REV1: variants seen among roughly 807,000 people sequenced by gnomAD.
REV1 encodes the protein REV1 DNA directed polymerase, also known as translesion synthesis protein REV1.
REV1 carries 42 observed loss-of-function variants against 137.4 expected under a neutral mutation model. The observed-to-expected ratio is 0.31, with a 90% confidence interval of 0.24 to 0.40. REV1 has a LOEUF of 0.40. Ranked by LOEUF, REV1 falls within the 10% of genes least tolerant of loss-of-function variation. The probability of loss-of-function intolerance (pLI) is 1.00; values close to 1 mark genes in which losing one functional copy is unlikely to be tolerated. For missense variants in REV1, 1,282 were observed against 1,490.1 expected (o/e 0.86, Z 2.30); for synonymous variants, 524 against 519.2 (o/e 1.01, Z -0.12).
At chr2:99,486,243 T>A (rs1019131843) in intron 1 of REV1, among the ~76,000 whole-genome samples, 1 of 152,260 alleles carries the variant, frequency 6.6e-6, no homozygotes, top group African/African-American at 2.4e-5. Context: ...AATTTCCCTG[T>A]TCTGGGCTGG....
In REV1 at chr2:99,438,895, T is replaced by C. The variant is rs777703692; in HGVS notation, c.919A>G (p.Thr307Ala). 5 of 1,614,200 alleles carry C rather than the reference T, an allele frequency of 3.1e-6. No individual in the cohort carries two copies. Among genetic ancestry groups the C allele is most frequent in the Non-Finnish European group, 4.2e-6 (5 of 1,180,032 alleles). ...SFSLSPLHSN[T>A]KINGAHHSTV... ...GAGTGGTGAGCACCATTGATTTTAG[T>C]GTTACTGTGCAAAGGTGATAATGAG... is the stretch of plus-strand genomic sequence containing the variant. Residue 307 changes from threonine (T) to alanine (A), a missense_variant, in exon 6 of 23, where the codon ACT becomes GCT. Thr to Ala is a moderately conservative substitution (Grantham distance 58). Transcript: ENST00000258428.
At chr2:99,419,985 T>C (rs563866858) in intron 11 of REV1, among the ~76,000 whole-genome samples, 1 of 151,502 alleles carries the variant, frequency 6.6e-6, no homozygotes, top group African/African-American at 2.4e-5. Context: ...CACTGAGGAG[T>C]GGAAATATAA....
At chr2:99,413,032 C>G (rs1314373742) in intron 12 of REV1, 81 bp from the exon 13 acceptor site, 1 of 935,160 alleles carries the variant, frequency 1.1e-6, no homozygotes, top group Non-Finnish European at 1.7e-6. Flanking sequence ...ACCATTTATG[C>G]ACAAAACAAC....
chr2:99,405,928 C>T lies in REV1; in HGVS notation c.2793G>A (p.Glu931=). Residue 931 remains glutamate, a synonymous_variant, in exon 17 of 23, where the codon GAG becomes GAA. Transcript: ENST00000258428. ...SVQSRLNLSI[E]VPSPSQLDQS... ...AATGTACCTGGGAAGGTGACGGGACCTCTATACTCAGGTTAAGTCTCGACT... is the reference window on the plus strand; with the variant it reads ...AATGTACCTGGGAAGGTGACGGGACTTCTATACTCAGGTTAAGTCTCGACT... The T allele has an allele frequency of 6.3e-7, 1 of 1,581,140 alleles. No homozygotes were observed. The highest frequency in any genetic ancestry group is 8.6e-7 in the Non-Finnish European group (1 of 1,163,924).
rs1428684416 is a variant in REV1 at position 99,421,658 on chromosome 2, C to T, written c.1677-5G>A. ...GCTTCAATGTTATGAGTGTAGCTAT[C>T]AACACAGAGCAAAGGCAACGAATCA... On this transcript the variant is annotated splice_region_variant and splice_polypyrimidine_tract_variant and intron_variant, in intron 10 of 22. Coordinates refer to ENST00000258428, the MANE Select transcript of REV1 (RefSeq NM_016316.4). 6.2e-7 allele frequency: 1 copy of T among 1,609,434 alleles called. No homozygotes were observed. Among genetic ancestry groups the T allele is most frequent in the Non-Finnish European group, 8.5e-7 (1 of 1,177,980 alleles).
chr2:99,468,571 G>T (rs1181022521), intron 1 of REV1, among the ~76,000 whole-genome samples: 8 of 152,158 alleles, frequency 5.3e-5, no homozygotes, highest in Non-Finnish European at 5.9e-5. Context: ...GTTTTCAGAG[G>T]AACTCTTGCA....
At chr2:99,424,991 G>T in intron 9 of REV1, 2 of 862,902 alleles carry the variant, frequency 2.3e-6, no homozygotes, top group South Asian at 4.7e-5. Context: ...CTATAATTAT[G>T]GAATTATACA....
chr2:99,402,343 G>A lies in REV1; in HGVS notation c.3545C>T (p.Pro1182Leu). Residue 1182 changes from proline (P) to leucine (L), a missense_variant, in exon 22 of 23, where the codon CCA becomes CTA. By Grantham distance (98) the Pro-to-Leu change is moderately conservative. Coordinates refer to ENST00000258428, the MANE Select transcript of REV1 (RefSeq NM_016316.4). ...AACTTGGAGAATGTCTTCTTCCATT[G>A]GATCTAGGAAGGGGGAAAAACTTCA... ...LREWITTISDPMEEDILQVVK... is the reference protein window; with the variant it reads ...LREWITTISDLMEEDILQVVK... The A allele has an allele frequency of 6.8e-7, 1 of 1,476,314 alleles. No homozygotes were observed. The highest frequency in any genetic ancestry group is 9.4e-7 in the Non-Finnish European group (1 of 1,068,542). 91.5% of individuals were successfully genotyped at this position (1,476,314 alleles called of 1,614,324 possible).
intron 1 of REV1, among the ~76,000 whole-genome samples, chr2:99,486,474 A>G (rs1019520700): frequency 6.6e-6 from 1 of 152,018 alleles, no homozygotes; most frequent in Non-Finnish European, 1.5e-5. Context: ...GCTTGCAGTG[A>G]GCCAAGATGG....
intron 11 of REV1, 138 bp downstream of exon 11, chr2:99,421,361 G>T: frequency 1.6e-6 from 1 of 634,938 alleles, no homozygotes; most frequent in Non-Finnish European, 2.7e-6. Context: ...TATCTCGTGT[G>T]TCACACAATT....
At chr2:99,408,882 G>T (rs1229288291) in intron 14 of REV1, among the ~76,000 whole-genome samples, 1 of 152,166 alleles carries the variant, frequency 6.6e-6, no homozygotes, top group Non-Finnish European at 1.5e-5. Context: ...AACAAATGAA[G>T]TTCCAGGCCA....
chr2:99,478,946 A>G (rs1686277474), intron 1 of REV1, among the ~76,000 whole-genome samples: 1 of 152,222 alleles, frequency 6.6e-6, no homozygotes, highest in Non-Finnish European at 1.5e-5. Context: ...GGTTATATAC[A>G]GTAGAGAGAA....
intron 8 of REV1, among the ~76,000 whole-genome samples, chr2:99,432,924 G>A (rs186736755): frequency 1.9e-4 from 29 of 152,284 alleles, no homozygotes; most frequent in Middle Eastern, 3.4e-3. Flanking sequence ...CCTAAGGAAT[G>A]TGAGCTTGTC....
At chr2:99,448,718 T>C (rs1168036651) in intron 4 of REV1, among the ~76,000 whole-genome samples, 2 of 152,226 alleles carry the variant, frequency 1.3e-5, no homozygotes, top group African/African-American at 4.8e-5. Flanking sequence ...TTGTTCATTG[T>C]TATTTCCCAA....
intron 3 of REV1, among the ~76,000 whole-genome samples, chr2:99,462,191 A>G (rs1684293261): frequency 6.6e-6 from 1 of 152,164 alleles, no homozygotes; most frequent in Non-Finnish European, 1.5e-5. Flanking sequence ...AGATTTACCA[A>G]TGAAATGGAC....
intron 13 of REV1, 41 bp from the exon 14 acceptor site, chr2:99,410,908 C>T: frequency 6.7e-7 from 1 of 1,484,508 alleles, no homozygotes; most frequent in East Asian, 2.3e-5. Flanking sequence ...ATTCCACTTT[C>T]CTATATACCT....
chr2:99,446,049 A>G (rs991195335), intron 4 of REV1, among the ~76,000 whole-genome samples: 1 of 152,270 alleles, frequency 6.6e-6, no homozygotes, highest in African/African-American at 2.4e-5. Flanking sequence ...TAGAGTGTGA[A>G]TAAAAACAGT....
chr2:99,450,623 T>C (rs1332597134), intron 3 of REV1, among the ~76,000 whole-genome samples: 2 of 152,158 alleles, frequency 1.3e-5, no homozygotes, highest in Admixed American at 1.3e-4. Flanking sequence ...ATTACAAATA[T>C]TAGCACTATT....
chr2:99,404,781 A>G (rs1308283031), intron 17 of REV1, 104 bp from the exon 18 acceptor site: 1 of 797,762 alleles, frequency 1.3e-6, no homozygotes, highest in Non-Finnish European at 2.1e-6. Context: ...TACTGTGGAT[A>G]ATCAATGTAA....
Sources: allele counts gnomAD v4.1 joint callset (sites outside exome capture counted in the v4.1 genomes callset), GRCh38; gene constraint gnomAD v4.1.1; transcripts MANE v1.5; gene names NCBI Gene and HGNC (gene_info 2026-07-23, HGNC 2026-07-21).